The following SLIT2 variants were observed in gnomAD, a reference collection of about 807,000 sequenced individuals.
The protein encoded by SLIT2 is slit homolog 2 protein.
A neutral mutation model predicts 185.7 loss-of-function variants in SLIT2; 41 were observed. The ratio of observed to expected loss-of-function variants is 0.22; its 90% confidence interval spans 0.17 to 0.29. SLIT2 has a LOEUF of 0.29. Ranked by LOEUF, SLIT2 falls within the 10% of genes least tolerant of loss-of-function variation. SLIT2 has a pLI of 1.00. For synonymous variants in SLIT2, 693 were observed against 680.2 expected (o/e 1.02, Z -0.29); for missense variants, 1,571 against 1,909.0 (o/e 0.82, Z 3.30).
intron 18 of SLIT2, 85 bp downstream of exon 18, chr4:20,533,800 T>C: frequency 8.3e-7 from 1 of 1,204,956 alleles, no homozygotes; most frequent in Non-Finnish European, 1.2e-6. Flanking sequence ...GAGAAACACC[T>C]ACTTTTACCC....
intron 5 of SLIT2, among the ~76,000 whole-genome samples, chr4:20,469,729 C>T (rs1714756314): frequency 7.1e-6 from 1 of 140,066 alleles, no homozygotes; most frequent in African/African-American, 2.6e-5. Context: ...AATTAGTCAG[C>T]TTCATTAAGC....
In SLIT2 at chr4:20,369,491, G is replaced by A. The variant is rs553656978; in HGVS notation, c.396-98261G>A. Among the ~76,000 whole-genome samples the A allele has an allele frequency of 1.2e-3, 190 of 152,218 alleles. 1 individual carries two copies. Among genetic ancestry groups the A allele is most frequent in the African/African-American group, 4.4e-3 (184 of 41,554 alleles). On this transcript the variant is annotated intron_variant, in intron 4 of 36. Coordinates refer to ENST00000504154, the MANE Select transcript of SLIT2 (RefSeq NM_004787.4). ...AGCAGTTGTGAGTACTTGCAACAAA[G>A]ACTGTATGTCCTGCAAAGTCTAAAA...
intron 26 of SLIT2, among the ~76,000 whole-genome samples, chr4:20,559,847 T>G (rs1236496329): frequency 6.6e-6 from 1 of 151,978 alleles, no homozygotes; most frequent in Non-Finnish European, 1.5e-5. Flanking sequence ...AAATAAATTT[T>G]CAGTGTAAAT....
At chr4:20,302,603 C>T (rs1717161120) in intron 4 of SLIT2, among the ~76,000 whole-genome samples, 2 of 151,912 alleles carry the variant, frequency 1.3e-5, no homozygotes, top group African/African-American at 2.4e-5. Flanking sequence ...GAGGAGATGG[C>T]ACTTGAGGTG....
At chr4:20,468,548 C>T (rs1468921546) in intron 5 of SLIT2, among the ~76,000 whole-genome samples, 1 of 151,924 alleles carries the variant, frequency 6.6e-6, no homozygotes, top group Non-Finnish European at 1.5e-5. Flanking sequence ...TTTTTAAGTG[C>T]CTTTATTTCT....
chr4:20,541,332 G>C, intron 19 of SLIT2, 121 bp from the exon 20 acceptor site: 1 of 756,078 alleles, frequency 1.3e-6, no homozygotes, highest in East Asian at 2.6e-5. Flanking sequence ...TGGGGACAGG[G>C]AATGCAAAGA....
intron 11 of SLIT2, among the ~76,000 whole-genome samples, chr4:20,513,876 G>C (rs968856902): frequency 6.6e-6 from 1 of 152,134 alleles, no homozygotes; most frequent in Admixed American, 6.6e-5. Flanking sequence ...TACTAAGGAC[G>C]TTTAGCAGGA....
intron 4 of SLIT2, among the ~76,000 whole-genome samples, chr4:20,332,746 C>T (rs1720178803): frequency 6.6e-6 from 1 of 151,760 alleles, no homozygotes; most frequent in South Asian, 2.1e-4. Context: ...ATAAATTATC[C>T]TCAGATTGTT....
In SLIT2 at chr4:20,442,543, A is replaced by G. The variant is rs867566859; in HGVS notation, c.396-25209A>G. 6.5e-3 allele frequency among the ~76,000 whole-genome samples: 815 copies of G among 125,176 alleles called. 4 individuals carry two copies. Among genetic ancestry groups the G allele is most frequent in the African/African-American group, 0.014 (449 of 31,140 alleles). 82.1% of individuals were successfully genotyped at this position (125,176 alleles called of 152,430 possible). On this transcript the variant is annotated intron_variant, in intron 4 of 36. Transcript: ENST00000504154. ...TGTCTCAAAAAAAAAAAAAAAAAAAAGGGGGGGGAGGGACCGATTTTATGA... is the reference window on the plus strand; with the variant it reads ...TGTCTCAAAAAAAAAAAAAAAAAAAGGGGGGGGGAGGGACCGATTTTATGA...
intron 4 of SLIT2, among the ~76,000 whole-genome samples, chr4:20,315,998 A>C (rs1446702316): frequency 1.3e-5 from 2 of 152,012 alleles, no homozygotes; most frequent in Non-Finnish European, 2.9e-5. Context: ...TGGTAGTGAT[A>C]GTGAGCCAGG....
intron 4 of SLIT2, among the ~76,000 whole-genome samples, chr4:20,389,579 A>C (rs1043701186): frequency 6.6e-6 from 1 of 151,742 alleles, no homozygotes; most frequent in African/African-American, 2.4e-5. Flanking sequence ...TTGTGGCTAC[A>C]GAATAATCTA....
chr4:20,384,091 T>C (rs1172746757), intron 4 of SLIT2, among the ~76,000 whole-genome samples: 1 of 93,934 alleles, frequency 1.1e-5, no homozygotes, highest in Non-Finnish European at 2.8e-5. Flanking sequence ...AGAGCAGCTT[T>C]TTTTTTTTTT....
At chr4:20,309,698 T>C (rs1171259231) in intron 4 of SLIT2, among the ~76,000 whole-genome samples, 1 of 151,822 alleles carries the variant, frequency 6.6e-6, no homozygotes, top group Non-Finnish European at 1.5e-5. Flanking sequence ...TCAGTGTCCT[T>C]TACTGTACTA....
At chr4:20,289,143 C>T (rs1715566249) in intron 4 of SLIT2, among the ~76,000 whole-genome samples, 2 of 152,186 alleles carry the variant, frequency 1.3e-5, no homozygotes, top group African/African-American at 2.4e-5. Context: ...TCCGTACTCT[C>T]CAATTAAGAA....
intron 4 of SLIT2, among the ~76,000 whole-genome samples, chr4:20,302,298 G>A (rs2109109530): frequency 6.6e-6 from 1 of 152,192 alleles, no homozygotes; most frequent in East Asian, 1.9e-4. Context: ...ATAGATTTCA[G>A]TCTTTCTCTA....
intron 29 of SLIT2, among the ~76,000 whole-genome samples, chr4:20,582,174 T>G (rs1313060849): frequency 6.6e-6 from 1 of 152,212 alleles, no homozygotes; most frequent in East Asian, 1.9e-4. Flanking sequence ...GGGGCTCCTC[T>G]GGCACCATGT....
At chr4:20,307,860 G>T (rs1005603277) in intron 4 of SLIT2, among the ~76,000 whole-genome samples, 1 of 152,058 alleles carries the variant, frequency 6.6e-6, no homozygotes, top group East Asian at 1.9e-4. Flanking sequence ...GGCAGAACTG[G>T]GATTTGAGAC....
chr4:20,462,031 G>A (rs1713774086), intron 4 of SLIT2, among the ~76,000 whole-genome samples: 1 of 152,072 alleles, frequency 6.6e-6, no homozygotes, highest in African/African-American at 2.4e-5. Context: ...ATAGTAGAAG[G>A]GGGAGGGTCT....
intron 5 of SLIT2, among the ~76,000 whole-genome samples, chr4:20,477,145 C>A (rs1302619085): frequency 4.9e-5 from 5 of 101,356 alleles, no homozygotes; most frequent in Non-Finnish European, 7.8e-5. Flanking sequence ...AGAAGATATA[C>A]CTCCTACCAT....
Sources: allele counts gnomAD v4.1 joint callset (sites outside exome capture counted in the v4.1 genomes callset), GRCh38; gene constraint gnomAD v4.1.1; transcripts MANE v1.5; gene names NCBI Gene and HGNC (gene_info 2026-07-23, HGNC 2026-07-21).